SNTB1: variants seen among roughly 807,000 people sequenced by gnomAD.
SNTB1 encodes beta-1-syntrophin.
A neutral mutation model predicts 48.9 loss-of-function variants in SNTB1; 36 were observed. The observed-to-expected ratio is 0.74, with a 90% CI of 0.56 to 0.97. The LOEUF is 0.97. SNTB1 is among the 50% of genes least tolerant of loss of function. The pLI, the probability that SNTB1 is intolerant of heterozygous loss-of-function variation, is 0.00. For synonymous variants in SNTB1, 299 were observed against 294.6 expected, an observed-to-expected ratio of 1.01 and a Z score of -0.15; for missense variants, 786 against 703.4, an observed-to-expected ratio of 1.12 and a Z score of -1.33.
intron 2 of SNTB1, among the ~76,000 whole-genome samples, chr8:120,645,382 G>A (rs1337958786): frequency 6.8e-6 from 1 of 148,078 alleles, no homozygotes; most frequent in Admixed American, 6.7e-5. Context: ...TTCTACATAT[G>A]GCTAGCCAGT....
intron 2 of SNTB1, among the ~76,000 whole-genome samples, chr8:120,666,758 T>G (rs969146643): frequency 6.6e-6 from 1 of 152,192 alleles, no homozygotes; most frequent in Non-Finnish European, 1.5e-5. Context: ...AGCTCATTGA[T>G]TCTCTGTTCA....
At chr8:120,557,809 T>A (rs149648147) in intron 4 of SNTB1, among the ~76,000 whole-genome samples, 340 of 152,342 alleles carry the variant, frequency 2.2e-3, no homozygotes, top group African/African-American at 7.8e-3. Context: ...CATGAATACA[T>A]GTTTTTCAAA....
At chr8:120,780,407 C>T (rs1047494048) in intron 1 of SNTB1, among the ~76,000 whole-genome samples, 1 of 152,168 alleles carries the variant, frequency 6.6e-6, no homozygotes, top group African/African-American at 2.4e-5. Flanking sequence ...GTAATCAGGA[C>T]TTAGAAATGA....
At chr8:120,616,477 G>GTTT (rs767343933) in intron 3 of SNTB1, among the ~76,000 whole-genome samples, 239 of 128,232 alleles carry the variant, frequency 1.9e-3, no homozygotes, top group African/African-American at 6.1e-3. Context: ...ACTAAAAAAA[G>GTTT]TTTTTTTTTT....
At chr8:120,681,087 T>C (rs1159248931) in intron 2 of SNTB1, among the ~76,000 whole-genome samples, 1 of 152,194 alleles carries the variant, frequency 6.6e-6, no homozygotes, top group African/African-American at 2.4e-5. Flanking sequence ...TGTATGATAA[T>C]TAGGATGAAT....
At chr8:120,591,024 T>C (rs1176689243) in intron 3 of SNTB1, among the ~76,000 whole-genome samples, 1 of 152,140 alleles carries the variant, frequency 6.6e-6, no homozygotes. Flanking sequence ...ACTTTCATTC[T>C]CTGGAATGAA....
At chr8:120,762,064 C>A (rs1168761089) in intron 1 of SNTB1, among the ~76,000 whole-genome samples, 1 of 152,200 alleles carries the variant, frequency 6.6e-6, no homozygotes, top group Non-Finnish European at 1.5e-5. Flanking sequence ...TTTTCCATTT[C>A]TGGTGGGGCA....
chr8:120,752,843 G>T (rs1819245488), intron 1 of SNTB1, among the ~76,000 whole-genome samples: 1 of 151,974 alleles, frequency 6.6e-6, no homozygotes, highest in African/African-American at 2.4e-5. Flanking sequence ...TGGGAGGAGG[G>T]TGAGGATTGG....
intron 1 of SNTB1, among the ~76,000 whole-genome samples, chr8:120,797,253 G>A (rs1366825110): frequency 6.6e-6 from 1 of 152,022 alleles, no homozygotes; most frequent in Non-Finnish European, 1.5e-5. Context: ...AACAAAATGA[G>A]AAATACTGAT....
Position 120,811,236 on chromosome 8 carries a change from C to A in SNTB1, c.571+37G>T, listed in dbSNP as rs1038283613. 4 of 1,546,798 alleles carry A rather than the reference C, an allele frequency of 2.6e-6. No homozygotes were observed. In the Admixed American group the frequency reaches 5.5e-5, roughly 21 times the overall value. On this transcript the variant is annotated intron_variant, in intron 1 of 6. Coordinates refer to ENST00000517992, the MANE Select transcript of SNTB1 (RefSeq NM_021021.4). Reference sequence around the variant, plus strand: ...GGGTGGGAAGCCGAGCAGGTGTGTGCGCGCCCGGCGCGGCCCGCGCGCTGT... The same window carrying A: ...GGGTGGGAAGCCGAGCAGGTGTGTGAGCGCCCGGCGCGGCCCGCGCGCTGT...
Position 120,538,832 on chromosome 8 carries a change from TG to T in SNTB1, c.*44del. On this transcript the variant is annotated 3_prime_UTR_variant, in exon 7 of 7. Transcript: ENST00000517992. Reference sequence around the variant, plus strand: ...TGGTGTCTGACATCACGTTCTCTGGTGGCATTGCAGCCCTTCTTTTCTCAAA... The same window carrying T: ...TGGTGTCTGACATCACGTTCTCTGGTGCATTGCAGCCCTTCTTTTCTCAAA... The T allele has an allele frequency of 1.4e-6, 2 of 1,449,062 alleles. No homozygotes were observed. The highest frequency in any genetic ancestry group is 1.9e-6 in the Non-Finnish European group (2 of 1,029,750). 89.8% of individuals were successfully genotyped at this position (1,449,062 alleles called of 1,614,324 possible). A position where few individuals can be genotyped will look rare whatever the true frequency, so the allele number is the denominator to read the frequency against.
chr8:120,561,773 C>T (rs964606200), intron 4 of SNTB1, among the ~76,000 whole-genome samples: 1 of 152,184 alleles, frequency 6.6e-6, no homozygotes, highest in Non-Finnish European at 1.5e-5. Context: ...TCTTATAACA[C>T]TCGGCTTTTC....
chr8:120,602,401 CTT>C (rs1439596781), intron 3 of SNTB1, among the ~76,000 whole-genome samples: 1 of 152,218 alleles, frequency 6.6e-6, no homozygotes, highest in East Asian at 1.9e-4. Context: ...ATCACATTGA[CTT>C]TGAGTAAAGC....
chr8:120,605,997 C>T (rs575502083), intron 3 of SNTB1, among the ~76,000 whole-genome samples: 16 of 152,120 alleles, frequency 1.1e-4, no homozygotes, highest in Admixed American at 2.0e-4. Flanking sequence ...CCTACTCGTC[C>T]CTGCATCTGG....
chr8:120,792,931 T>A (rs1820061063), intron 1 of SNTB1, among the ~76,000 whole-genome samples: 1 of 151,994 alleles, frequency 6.6e-6, no homozygotes, highest in Admixed American at 6.6e-5. Flanking sequence ...TCTCCCTGAC[T>A]CTAATTCAAG....
chr8:120,631,662 C>T (rs1209878841), intron 3 of SNTB1, among the ~76,000 whole-genome samples: 2 of 152,144 alleles, frequency 1.3e-5, no homozygotes, highest in East Asian at 3.8e-4. Context: ...ATGGCAAAGG[C>T]TCGATCCTTT....
intron 2 of SNTB1, among the ~76,000 whole-genome samples, chr8:120,650,986 A>G (rs371592251): frequency 1.3e-5 from 2 of 152,308 alleles, no homozygotes; most frequent in East Asian, 3.9e-4. Flanking sequence ...CGATTTCTTT[A>G]TCTGTAGAAT....
chr8:120,785,059 G>T (rs1819899302), intron 1 of SNTB1, among the ~76,000 whole-genome samples: 1 of 152,182 alleles, frequency 6.6e-6, no homozygotes, highest in African/African-American at 2.4e-5. Context: ...CTCCAGCAGG[G>T]ATGGAGGGAA....
intron 1 of SNTB1, among the ~76,000 whole-genome samples, chr8:120,736,912 C>G (rs1818952826): frequency 6.6e-6 from 1 of 152,278 alleles, no homozygotes; most frequent in Non-Finnish European, 1.5e-5. Flanking sequence ...TGTTCTTAAA[C>G]TCCTCTCTCT....
Sources: gnomAD v4.1 joint callset for allele counts (sites outside exome capture counted in the v4.1 genomes callset) on GRCh38, gnomAD v4.1.1 for gene constraint, MANE v1.5 for transcripts, NCBI Gene and HGNC (gene_info 2026-07-23, HGNC 2026-07-21) for gene names.